The following SORCS3 variants were observed in gnomAD, a reference collection of about 807,000 sequenced individuals.
The protein encoded by SORCS3 is sortilin related VPS10 domain containing receptor 3.
A neutral mutation model predicts 146.3 loss-of-function variants in SORCS3; 57 were observed. That is an observed-to-expected ratio of 0.39 (90% CI 0.31 to 0.49). The LOEUF is 0.49. SORCS3 is among the 20% of genes least tolerant of loss of function. SORCS3 has a pLI of 0.92. For missense variants in SORCS3, 1,341 were observed against 1,575.5 expected (o/e 0.85, Z 2.52); for synonymous variants, 653 against 618.5 (o/e 1.06, Z -0.83).
At chr10:104,782,783 G>A (rs984778132) in intron 1 of SORCS3, among the ~76,000 whole-genome samples, 27 of 152,128 alleles carry the variant, frequency 1.8e-4, no homozygotes, top group Admixed American at 6.5e-4. Context: ...TCTTCTGACC[G>A]TGAAATGGAT....
At chr10:104,971,407 C>T (rs1243581844) in intron 3 of SORCS3, among the ~76,000 whole-genome samples, 1 of 152,214 alleles carries the variant, frequency 6.6e-6, no homozygotes, top group East Asian at 1.9e-4. Flanking sequence ...ACTGTCCTCA[C>T]GGACTTATTC....
intron 1 of SORCS3, among the ~76,000 whole-genome samples, chr10:104,676,075 G>A (rs2015909884): frequency 6.6e-6 from 1 of 152,016 alleles, no homozygotes; most frequent in South Asian, 2.1e-4. Context: ...ACCTTAAGTG[G>A]GAATTTAAAA....
intron 2 of SORCS3, among the ~76,000 whole-genome samples, chr10:104,851,590 T>A (rs2018274735): frequency 6.6e-6 from 1 of 152,218 alleles, no homozygotes; most frequent in Non-Finnish European, 1.5e-5. Context: ...AAGGTAGGCC[T>A]TAATTTATTT....
At chr10:105,139,076 G>A (rs1286433441) in intron 7 of SORCS3, among the ~76,000 whole-genome samples, 1 of 152,230 alleles carries the variant, frequency 6.6e-6, no homozygotes, top group African/African-American at 2.4e-5. Context: ...GCCCACATTG[G>A]TAGCTTCTCT....
chr10:104,970,469 T>C (rs2054854337), intron 3 of SORCS3, among the ~76,000 whole-genome samples: 1 of 152,170 alleles, frequency 6.6e-6, no homozygotes, highest in African/African-American at 2.4e-5. Flanking sequence ...ATTCGTCCTT[T>C]CAAACTCTGC....
chr10:105,101,395 G>A (rs1402189882), intron 6 of SORCS3, among the ~76,000 whole-genome samples: 2 of 152,142 alleles, frequency 1.3e-5, no homozygotes, highest in South Asian at 2.1e-4. Flanking sequence ...TTCTCTCCTG[G>A]CAGAGGGCAC....
At chr10:104,796,437 A>ATT (rs58243391) in intron 1 of SORCS3, among the ~76,000 whole-genome samples, 22 of 144,804 alleles carry the variant, frequency 1.5e-4, no homozygotes, top group South Asian at 4.4e-4. Flanking sequence ...GATAATCTCC[A>ATT]TTTTTTTTTT....
intron 1 of SORCS3, among the ~76,000 whole-genome samples, chr10:104,680,452 C>T (rs1232343106): frequency 6.6e-6 from 1 of 152,204 alleles, no homozygotes; most frequent in African/African-American, 2.4e-5. Flanking sequence ...AGGCCACCGA[C>T]CTTCTCCTCT....
intron 16 of SORCS3, among the ~76,000 whole-genome samples, chr10:105,208,019 A>C (rs968658926): frequency 6.6e-6 from 1 of 152,144 alleles, no homozygotes; most frequent in Non-Finnish European, 1.5e-5. Flanking sequence ...CCACAGCCCA[A>C]TGTTTCCACA....
chr10:105,208,756 TAAC>T (rs1313892707), intron 16 of SORCS3, among the ~76,000 whole-genome samples: 2 of 152,142 alleles, frequency 1.3e-5, no homozygotes, highest in Non-Finnish European at 2.9e-5. Context: ...ATAGTGGCTT[TAAC>T]AACCATTAAT....
rs1226789341 is a variant in SORCS3 at position 105,023,458 on chromosome 10, T to G, written c.955-19597T>G. Reference sequence around the variant, plus strand: ...AGGGTGGAGAACTGTGGGGGGAGCCTCCTTTCTGAGTTAGGAAAACATCTC... The same window carrying G: ...AGGGTGGAGAACTGTGGGGGGAGCCGCCTTTCTGAGTTAGGAAAACATCTC... On this transcript the variant is annotated intron_variant, in intron 4 of 26. Transcript: ENST00000369701. 2.6e-5 allele frequency among the ~76,000 whole-genome samples: 4 copies of G among 152,238 alleles called. No individual in the cohort carries two copies. The East Asian group carries it at 7.7e-4, about 29-fold the overall frequency.
chr10:105,080,658 T>C (rs1276536956), intron 5 of SORCS3, among the ~76,000 whole-genome samples: 2 of 152,236 alleles, frequency 1.3e-5, no homozygotes, highest in African/African-American at 4.8e-5. Context: ...TTCCAGGATT[T>C]TTTTTTATAG....
intron 18 of SORCS3, 62 bp from the exon 19 acceptor site, chr10:105,216,874 A>G (rs2056668085): frequency 9.2e-6 from 14 of 1,521,520 alleles, no homozygotes; most frequent in Non-Finnish European, 1.3e-5. Flanking sequence ...AACAGGAGGA[A>G]GCATCAGATA....
intron 2 of SORCS3, among the ~76,000 whole-genome samples, chr10:104,883,984 GGA>G (rs2018656974): frequency 6.6e-6 from 1 of 150,390 alleles, no homozygotes. Context: ...ATGAGGGGGG[GGA>G]AAGGGTCCTA....
At chr10:105,187,785 C>G (rs1307119983) in intron 14 of SORCS3, among the ~76,000 whole-genome samples, 5 of 152,168 alleles carry the variant, frequency 3.3e-5, no homozygotes, top group Non-Finnish European at 7.3e-5. Context: ...TAGCTTACTA[C>G]AAGGCAGGCA....
intron 5 of SORCS3, among the ~76,000 whole-genome samples, chr10:105,046,728 T>C (rs942094027): frequency 6.6e-6 from 1 of 152,106 alleles, no homozygotes; most frequent in African/African-American, 2.4e-5. Context: ...CCAATCAAGA[T>C]AGGTCACCTA....
intron 1 of SORCS3, among the ~76,000 whole-genome samples, chr10:104,837,540 CA>C (rs1425920704): frequency 6.6e-6 from 1 of 152,150 alleles, no homozygotes; most frequent in Non-Finnish European, 1.5e-5. Context: ...CCAGTTAGGT[CA>C]AAAAGGTACT....
At chr10:104,784,607 A>G (rs2017411102) in intron 1 of SORCS3, among the ~76,000 whole-genome samples, 1 of 152,188 alleles carries the variant, frequency 6.6e-6, no homozygotes, top group Admixed American at 6.5e-5. Context: ...TTCTCCTTCA[A>G]GTGCAGAGGC....
At chr10:104,738,611 C>A (rs1397281618) in intron 1 of SORCS3, among the ~76,000 whole-genome samples, 1 of 152,004 alleles carries the variant, frequency 6.6e-6, no homozygotes, top group Non-Finnish European at 1.5e-5. Flanking sequence ...TTCCGTGTTC[C>A]CTCCTGGCAT....
Sources: allele counts gnomAD v4.1 joint callset (sites outside exome capture counted in the v4.1 genomes callset), GRCh38; gene constraint gnomAD v4.1.1; transcripts MANE v1.5; gene names NCBI Gene and HGNC (gene_info 2026-07-23, HGNC 2026-07-21).